Variants in HSP90AA1 observed in about 807,000 individuals in gnomAD.
HSP90AA1 encodes the protein heat shock protein HSP 90-alpha.
A neutral mutation model predicts 73.3 loss-of-function variants in HSP90AA1; 18 were observed. The ratio of observed to expected loss-of-function variants is 0.25; its 90% confidence interval spans 0.17 to 0.36. The LOEUF (loss-of-function observed/expected upper bound fraction) is 0.36. Ranked by LOEUF, HSP90AA1 falls within the 10% of genes least tolerant of loss-of-function variation. HSP90AA1 has a pLI of 1.00. For synonymous variants in HSP90AA1, 477 were observed against 296.9 expected, an observed-to-expected ratio of 1.61 and a Z score of -6.24; for missense variants, 704 against 874.2, an observed-to-expected ratio of 0.81 and a Z score of 2.45.
In HSP90AA1 at chr14:102,080,814, A is replaced by T. The variant is rs2049081551; in HGVS notation, c.*898T>A. On this transcript the variant is annotated 3_prime_UTR_variant, in exon 11 of 11. Transcript: ENST00000216281. ...TAACATCAAAACAACGTGGACACTA[A>T]GAGAACACATGTAACTCATGGACGC... The T allele has an allele frequency of 4.4e-6, 1 of 225,814 alleles. No homozygotes were observed. Among genetic ancestry groups the T allele is most frequent in the African/African-American group, 2.2e-5 (1 of 44,924 alleles). The allele number at this position is 225,814 out of a possible 1,614,324, so 14.0% of individuals were successfully genotyped here.
chr14:102,082,606 A>G (rs1343186797), intron 9 of HSP90AA1, 162 bp from the exon 10 acceptor site: 5 of 652,722 alleles, frequency 7.7e-6, no homozygotes, highest in African/African-American at 7.3e-5. Context: ...CACAGGTTAT[A>G]ATTTCATGTT....
chr14:102,117,310 G>A (rs1188933454), intron 1 of HSP90AA1, among the ~76,000 whole-genome samples: 1 of 152,098 alleles, frequency 6.6e-6, no homozygotes, highest in African/African-American at 2.4e-5. Context: ...TGGGGGCCAG[G>A]TTGCCAGTCC....
chr14:102,105,645 T>C (rs1455534251), intron 1 of HSP90AA1, among the ~76,000 whole-genome samples: 1 of 152,210 alleles, frequency 6.6e-6, no homozygotes, highest in Non-Finnish European at 1.5e-5. Flanking sequence ...AGGTGTGGGC[T>C]TGCCTGCCAG....
upstream of HSP90AA1, among the ~76,000 whole-genome samples, chr14:102,088,174 A>G (rs2049295142): frequency 1.3e-5 from 2 of 152,104 alleles, no homozygotes; most frequent in African/African-American, 4.8e-5. Context: ...CATGTTGCCC[A>G]GGCTGGAAAA....
At chr14:102,130,650 C>T (rs1364640150) in intron 1 of HSP90AA1, among the ~76,000 whole-genome samples, 2 of 152,288 alleles carry the variant, frequency 1.3e-5, no homozygotes, top group Non-Finnish European at 1.5e-5. Context: ...CTCTGTTGCT[C>T]AGGCTGGTGT....
At chr14:102,087,787 G>C (rs188655712), upstream of HSP90AA1, among the ~76,000 whole-genome samples, 309 of 152,304 alleles carry the variant, frequency 2.0e-3, no homozygotes, top group Non-Finnish European at 2.6e-3. Flanking sequence ...GGGTCCCTTA[G>C]CTTGGGAATC....
At chr14:102,122,904 G>A (rs1209743449) in intron 1 of HSP90AA1, among the ~76,000 whole-genome samples, 1 of 151,206 alleles carries the variant, frequency 6.6e-6, no homozygotes, top group African/African-American at 2.4e-5. Flanking sequence ...CTGACCTCAG[G>A]TGATCCACCC....
At chr14:102,085,568 T>C (rs879738292) in intron 3 of HSP90AA1, 137 bp from the exon 4 acceptor site, 22 of 1,184,850 alleles carry the variant, frequency 1.9e-5, no homozygotes, top group Non-Finnish European at 2.6e-5. Context: ...CAGAACCTTT[T>C]GGGCAAGGTG....
upstream of HSP90AA1, among the ~76,000 whole-genome samples, chr14:102,088,770 C>G (rs1188570081): frequency 6.6e-6 from 1 of 152,206 alleles, no homozygotes; most frequent in Non-Finnish European, 1.5e-5. Flanking sequence ...TGTTTCCTTC[C>G]TGTCACCACC....
At chr14:102,131,783 T>A (rs1473562457) in intron 1 of HSP90AA1, among the ~76,000 whole-genome samples, 1 of 152,252 alleles carries the variant, frequency 6.6e-6, no homozygotes, top group Non-Finnish European at 1.5e-5. Context: ...TTCCTAGTGC[T>A]GATCACTACA....
chr14:102,097,712 G>T (rs889592332), intron 2 of HSP90AA1, among the ~76,000 whole-genome samples: 1 of 152,108 alleles, frequency 6.6e-6, no homozygotes, highest in African/African-American at 2.4e-5. Context: ...CCTGGTAGGG[G>T]AGCTGATAGT....
chr14:102,085,787 C>T lies in HSP90AA1; in HGVS notation c.500G>A (p.Gly167Glu). 1.9e-6 allele frequency: 3 copies of T among 1,613,966 alleles called. No homozygotes were observed. The highest frequency in any genetic ancestry group is 2.5e-6 in the Non-Finnish European group (3 of 1,179,868). Reference sequence around the variant, plus strand: ...GTCTGTCCTCACTGTGAATGATCCCCCTGCTGAGGACTCCCAAGCGTACTG... The same window carrying T: ...GTCTGTCCTCACTGTGAATGATCCCTCTGCTGAGGACTCCCAAGCGTACTG... ...DEQYAWESSA[G>E]GSFTVRTDTG... The change falls in exon 3 of 11, where the codon GGG (glycine) becomes GAG (glutamate). Residue 167 changes from glycine (G) to glutamate (E), a missense_variant. Coordinates refer to ENST00000216281, the MANE Select transcript of HSP90AA1 (RefSeq NM_005348.4).
intron 1 of HSP90AA1, among the ~76,000 whole-genome samples, chr14:102,114,779 C>G (rs558513133): frequency 6.6e-6 from 1 of 152,062 alleles, no homozygotes; most frequent in Non-Finnish European, 1.5e-5. Context: ...GCGGGCAGAT[C>G]GCCTGAGGTC....
At chr14:102,092,615 CAG>C (rs1389720631) in intron 2 of HSP90AA1, among the ~76,000 whole-genome samples, 5 of 152,060 alleles carry the variant, frequency 3.3e-5, no homozygotes, top group African/African-American at 1.2e-4. Context: ...GTGGGGCAGA[CAG>C]GGGCAGGAGG....
intron 1 of HSP90AA1, among the ~76,000 whole-genome samples, chr14:102,110,658 C>T (rs1282357183): frequency 3.3e-5 from 5 of 151,504 alleles, no homozygotes; most frequent in Non-Finnish European, 5.9e-5. Flanking sequence ...TGGCTCACTG[C>T]AAGCTCCGCC....
chr14:102,126,546 G>C (rs1338729833), intron 1 of HSP90AA1, among the ~76,000 whole-genome samples: 8 of 151,098 alleles, frequency 5.3e-5, no homozygotes, highest in Admixed American at 5.3e-4. Context: ...TCTTTTTTGA[G>C]ACGGAGTCTC....
At chr14:102,085,102 T>G in intron 4 of HSP90AA1, 104 bp from the exon 5 acceptor site, 2 of 1,578,360 alleles carry the variant, frequency 1.3e-6, no homozygotes, top group Non-Finnish European at 1.7e-6. Flanking sequence ...ATTAGCCAAC[T>G]TGAGAAGCAC....
rs1483084562 is a variant in HSP90AA1 at position 102,087,023 on chromosome 14, A to G, written c.-38T>C. 2.0e-6 allele frequency: 2 copies of G among 985,022 alleles called. No homozygotes were observed. The highest frequency in any genetic ancestry group is 2.4e-6 in the Non-Finnish European group (2 of 830,034). The allele number at this position is 985,022 out of a possible 1,614,324, so 61.0% of individuals were successfully genotyped here. On this transcript the variant is annotated 5_prime_UTR_variant, in exon 1 of 11. Transcript: ENST00000216281. ...ACCGCACAGGACCAACGGCACAGCC[A>G]CACCGGGACGCTGAAGCAACTGACG...
chr14:102,087,749 C>T (rs889807208), upstream of HSP90AA1, among the ~76,000 whole-genome samples: 1 of 152,106 alleles, frequency 6.6e-6, no homozygotes, highest in Non-Finnish European at 1.5e-5. Context: ...CTTTTGGGTT[C>T]CCCGAAAGCC....
Sources: allele counts gnomAD v4.1 joint callset (sites outside exome capture counted in the v4.1 genomes callset), GRCh38; gene constraint gnomAD v4.1.1; transcripts MANE v1.5; gene names NCBI Gene and HGNC (gene_info 2026-07-23, HGNC 2026-07-21).